Variants in EBF2 observed in about 807,000 individuals in gnomAD.
EBF2 encodes EBF transcription factor 2.
In EBF2, 21 loss-of-function variants were observed where a neutral mutation model predicts 72.8. The ratio of observed to expected loss-of-function variants is 0.29; its 90% CI spans 0.20 to 0.42. The LOEUF (loss-of-function observed/expected upper bound fraction) is 0.42. Among genes scored for constraint, EBF2 ranks in the 10% least tolerant of loss-of-function variants. The pLI, the probability that EBF2 is intolerant of heterozygous loss-of-function variation, is 1.00. For synonymous variants in EBF2, 299 were observed against 274.2 expected (o/e 1.09, Z -0.89); for missense variants, 637 against 731.2 (o/e 0.87, Z 1.49).
rs1246371455 is a variant in EBF2 at position 25,842,683 on chromosome 8, T to A, written c.*1926A>T. On this transcript the variant is annotated 3_prime_UTR_variant, in exon 16 of 16. Coordinates refer to ENST00000520164, the MANE Select transcript of EBF2 (RefSeq NM_022659.4). ...AGTAGTTATAAGCATGCCAGGTTTC[T>A]AAAACCTTGGATTCTCATGTGCATA... 1 of 152,200 alleles carries A rather than the reference T, an allele frequency of 6.6e-6. No individual in the cohort carries two copies. Among genetic ancestry groups the A allele is most frequent in the Non-Finnish European group, 1.5e-5 (1 of 68,036 alleles). The allele number at this position is 152,200 out of a possible 1,614,324, so 9.4% of individuals were successfully genotyped here. A position where few individuals can be genotyped will look rare whatever the true frequency, so the allele number is the denominator to read the frequency against.
chr8:25,884,872 A>G (rs1802664479), intron 10 of EBF2, among the ~76,000 whole-genome samples: 1 of 152,342 alleles, frequency 6.6e-6, no homozygotes, highest in Non-Finnish European at 1.5e-5. Flanking sequence ...CTGCTAATTG[A>G]TAGCTAGCCA....
chr8:25,903,359 C>G (rs1298891640), intron 7 of EBF2, among the ~76,000 whole-genome samples: 1 of 151,968 alleles, frequency 6.6e-6, no homozygotes, highest in Admixed American at 6.6e-5. Flanking sequence ...AGAGGTAACT[C>G]TGGCATTCAT....
At chr8:25,980,905 A>G (rs7836584) in intron 6 of EBF2, among the ~76,000 whole-genome samples, 136,066 of 149,604 alleles carry the variant, frequency 0.91, 61,276 homozygotes, top group Middle Eastern at 0.96. Flanking sequence ...GTGGGGGGTG[A>G]CCCCCTTCAC....
At chr8:25,993,513 T>C (rs982513869) in intron 6 of EBF2, among the ~76,000 whole-genome samples, 19 of 152,218 alleles carry the variant, frequency 1.2e-4, no homozygotes, top group African/African-American at 2.4e-4. Flanking sequence ...ACCCTCCTGG[T>C]CTGAGCCATG....
chr8:25,911,932 C>T (rs1803136364), intron 6 of EBF2, among the ~76,000 whole-genome samples: 1 of 152,176 alleles, frequency 6.6e-6, no homozygotes, highest in African/African-American at 2.4e-5. Context: ...GGCTGATGGG[C>T]AGATTGTTGG....
chr8:26,015,422 C>T (rs1449716753), intron 6 of EBF2, among the ~76,000 whole-genome samples: 1 of 152,210 alleles, frequency 6.6e-6, no homozygotes, highest in Non-Finnish European at 1.5e-5. Context: ...CTCTCACCAC[C>T]CCCACATTAC....
chr8:25,972,889 A>ATTT (rs1585212525), intron 6 of EBF2, among the ~76,000 whole-genome samples: 1,303 of 65,452 alleles, frequency 0.02, 31 homozygotes, highest in African/African-American at 0.064. Context: ...TTTTTTTTTG[A>ATTT]AAATCACCTT....
intron 6 of EBF2, among the ~76,000 whole-genome samples, chr8:25,965,624 C>T (rs2117183311): frequency 6.6e-6 from 1 of 152,310 alleles, no homozygotes; most frequent in South Asian, 2.1e-4. Flanking sequence ...CTCAGACTGA[C>T]TGTGGGTAGT....
chr8:26,025,899 C>T (rs1390604758), intron 6 of EBF2, among the ~76,000 whole-genome samples: 1 of 151,990 alleles, frequency 6.6e-6, no homozygotes, highest in Non-Finnish European at 1.5e-5. Flanking sequence ...ACATTGAGTG[C>T]AGCAGCCCAC....
intron 6 of EBF2, among the ~76,000 whole-genome samples, chr8:26,005,816 G>A (rs1388468785): frequency 8.6e-6 from 1 of 115,916 alleles, no homozygotes; most frequent in Non-Finnish European, 1.7e-5. Context: ...GAGCAACAGA[G>A]CAAGACCAAG....
In EBF2 at chr8:25,967,755, C is replaced by T. The variant is rs1397392193; in HGVS notation, c.552-59200G>A. The stretch of plus-strand genomic sequence containing the variant: ...CAAAGAGTAGCAATTCAGACTGCAG[C>T]TCTGGAGTTGTGATGCCTAGGTTTG... On this transcript the variant is annotated intron_variant, in intron 6 of 15. Coordinates refer to ENST00000520164, the MANE Select transcript of EBF2 (RefSeq NM_022659.4). 2.6e-5 allele frequency among the ~76,000 whole-genome samples: 4 copies of T among 152,154 alleles called. No homozygotes were observed. In the East Asian group the frequency reaches 7.7e-4, roughly 29 times the overall value.
At chr8:26,012,493 C>T (rs992541379) in intron 6 of EBF2, among the ~76,000 whole-genome samples, 1 of 152,080 alleles carries the variant, frequency 6.6e-6, no homozygotes, top group African/African-American at 2.4e-5. Context: ...CTCATTCTTG[C>T]CTTCTTCTTA....
chr8:25,888,313 A>G (rs1212489095), intron 8 of EBF2, among the ~76,000 whole-genome samples: 1 of 152,214 alleles, frequency 6.6e-6, no homozygotes, highest in African/African-American at 2.4e-5. Flanking sequence ...CATTCCAAGA[A>G]GTTCAAGCTG....
At position 25,844,320 on chromosome 8, in the gene EBF2, G is replaced by C. The variant is rs908722682; in HGVS notation, c.*289C>G. The C allele has an allele frequency of 3.6e-6, 1 of 281,174 alleles. No homozygotes were observed. Among genetic ancestry groups the C allele is most frequent in the Non-Finnish European group, 6.6e-6 (1 of 150,544 alleles). The allele number at this position is 281,174 out of a possible 1,614,324, so 17.4% of individuals were successfully genotyped here. A position where few individuals can be genotyped will look rare whatever the true frequency, so the allele number is the denominator to read the frequency against. ...TTTTCTTAAATATTTTACAAACATAGGAAGGTGGTTTTCATAATGTTCATA... is the reference window on the plus strand; with the variant it reads ...TTTTCTTAAATATTTTACAAACATACGAAGGTGGTTTTCATAATGTTCATA... On this transcript the variant is annotated 3_prime_UTR_variant, in exon 16 of 16. Transcript: ENST00000520164.
At chr8:26,030,968 G>A (rs1299530183) in intron 6 of EBF2, among the ~76,000 whole-genome samples, 1 of 152,194 alleles carries the variant, frequency 6.6e-6, no homozygotes, top group Non-Finnish European at 1.5e-5. Flanking sequence ...GAAAACATGA[G>A]CATATTCAAC....
chr8:25,925,728 G>A (rs1260197842), intron 6 of EBF2, among the ~76,000 whole-genome samples: 1 of 152,230 alleles, frequency 6.6e-6, no homozygotes, highest in East Asian at 1.9e-4. Flanking sequence ...TGCAAACTTC[G>A]GGTCAGAGCA....
At chr8:26,039,152 C>T (rs1805558077) in intron 5 of EBF2, among the ~76,000 whole-genome samples, 1 of 151,920 alleles carries the variant, frequency 6.6e-6, no homozygotes, top group South Asian at 2.1e-4. Flanking sequence ...CAACCGATAC[C>T]GGGCACACGT....
intron 6 of EBF2, among the ~76,000 whole-genome samples, chr8:25,997,510 G>T (rs371666510): frequency 6.6e-6 from 1 of 150,418 alleles, no homozygotes; most frequent in Non-Finnish European, 1.5e-5. Context: ...GGTTGAGACT[G>T]CAGTGAGCCA....
intron 6 of EBF2, among the ~76,000 whole-genome samples, chr8:25,944,829 A>G (rs1333358057): frequency 2.0e-5 from 3 of 151,212 alleles, no homozygotes; most frequent in Admixed American, 2.0e-4. Flanking sequence ...ATAGACATAC[A>G]CATATATACA....
Sources: gnomAD v4.1 joint callset for allele counts (sites outside exome capture counted in the v4.1 genomes callset) on GRCh38, gnomAD v4.1.1 for gene constraint, MANE v1.5 for transcripts, NCBI Gene and HGNC (gene_info 2026-07-23, HGNC 2026-07-21) for gene names.